The following ANXA4 variants were observed in gnomAD, a reference collection of about 807,000 sequenced individuals.
The protein encoded by ANXA4 is 35-beta calcimedin.
A neutral mutation model predicts 49.8 loss-of-function variants in ANXA4; 39 were observed. That is an observed-to-expected ratio of 0.78 (90% CI 0.61 to 1.02). The LOEUF (loss-of-function observed/expected upper bound fraction) is 1.02, where lower values mean the gene tolerates loss of function less well. Ranked by LOEUF, ANXA4 falls within the 50% of genes least tolerant of loss-of-function variation. The pLI, the probability that ANXA4 is intolerant of heterozygous loss-of-function variation, is 0.00. For missense variants in ANXA4, 360 were observed against 410.1 expected, an observed-to-expected ratio of 0.88 and a Z score of 1.05; for synonymous variants, 134 against 152.5, an observed-to-expected ratio of 0.88 and a Z score of 0.89.
chr2:69,644,173 C>CG (rs1675903292), upstream of ANXA4, among the ~76,000 whole-genome samples: 1 of 57,422 alleles, frequency 1.7e-5, no homozygotes, highest in African/African-American at 5.4e-5. Context: ...GTTCCCCCCC[C>CG]CCCCCCCCCG....
intron 12 of ANXA4, among the ~76,000 whole-genome samples, chr2:69,824,012 G>A (rs375049355): frequency 9.2e-5 from 14 of 151,952 alleles, no homozygotes; most frequent in African/African-American, 2.2e-4. Context: ...CCAGGAGTTC[G>A]AAGCTGCAGT....
At chr2:69,748,777 C>T (rs1309287796) in intron 1 of ANXA4, among the ~76,000 whole-genome samples, 4 of 148,220 alleles carry the variant, frequency 2.7e-5, no homozygotes, top group South Asian at 4.2e-4. Context: ...GTGGCATGAT[C>T]GTGGCTCACT....
At chr2:69,654,652 A>G (rs1676371194) in intron 2 of ANXA4, among the ~76,000 whole-genome samples, 1 of 152,214 alleles carries the variant, frequency 6.6e-6, no homozygotes, top group Admixed American at 6.5e-5. Flanking sequence ...ATCATGGCAG[A>G]TAAGCTTTTT....
At chr2:69,767,547 A>G (rs914862791) in intron 1 of ANXA4, among the ~76,000 whole-genome samples, 1 of 152,224 alleles carries the variant, frequency 6.6e-6, no homozygotes, top group African/African-American at 2.4e-5. Context: ...GTGTCTGCCC[A>G]AAGAGACATA....
In ANXA4 at chr2:69,720,117, A is replaced by G. The variant is rs74738594; in HGVS notation, n.767-657A>G. The stretch of plus-strand genomic sequence containing the variant: ...CAAATAAGCAAGCAGACTAGAGACT[A>G]TTTCCTGAGAATGTAATTCCGATTC... On this transcript the variant is annotated intron_variant and non_coding_transcript_variant, in intron 2 of 3. Coordinates refer to the ANXA4 transcript ENST00000418066. 7.1e-3 allele frequency among the ~76,000 whole-genome samples: 1,084 copies of G among 152,290 alleles called. 4 individuals carry two copies. Among genetic ancestry groups the G allele is most frequent in the Non-Finnish European group, 0.012 (840 of 68,018 alleles).
intron 1 of ANXA4, among the ~76,000 whole-genome samples, chr2:69,754,623 A>G (rs995722342): frequency 8.5e-5 from 13 of 152,054 alleles, no homozygotes; most frequent in Non-Finnish European, 1.3e-4. Context: ...CTGTAGATCT[A>G]GGGTTGGGCC....
At chr2:69,738,059 G>A (rs1393611697), upstream of ANXA4, among the ~76,000 whole-genome samples, 2 of 152,004 alleles carry the variant, frequency 1.3e-5, no homozygotes, top group Non-Finnish European at 2.9e-5. Context: ...TGCAATATTT[G>A]GACATACTTA....
chr2:69,656,442 T>C (rs1676498467), intron 2 of ANXA4, among the ~76,000 whole-genome samples: 1 of 147,060 alleles, frequency 6.8e-6, no homozygotes, highest in East Asian at 2.0e-4. Flanking sequence ...TATATATATA[T>C]GATACTTGGT....
At chr2:69,718,453 A>G (rs911483080) in intron 2 of ANXA4, among the ~76,000 whole-genome samples, 2 of 152,224 alleles carry the variant, frequency 1.3e-5, no homozygotes, top group African/African-American at 4.8e-5. Flanking sequence ...TCAAGTAGAT[A>G]CTATTTCAGC....
chr2:69,782,428 G>A (rs1388801049), intron 2 of ANXA4, among the ~76,000 whole-genome samples: 2 of 152,152 alleles, frequency 1.3e-5, no homozygotes, highest in Non-Finnish European at 2.9e-5. Flanking sequence ...GCTTATTCAT[G>A]TGTGCCCCAA....
At chr2:69,671,724 A>G (rs1330786434) in intron 2 of ANXA4, among the ~76,000 whole-genome samples, 4 of 152,210 alleles carry the variant, frequency 2.6e-5, no homozygotes, top group Non-Finnish European at 5.9e-5. Context: ...CTCCATCTCA[A>G]AAAATATATA....
intron 2 of ANXA4, among the ~76,000 whole-genome samples, chr2:69,690,763 C>T (rs1465525527): frequency 6.6e-6 from 1 of 152,192 alleles, no homozygotes; most frequent in African/African-American, 2.4e-5. Flanking sequence ...AAAACCTTTA[C>T]CCATCACATG....
At chr2:69,772,354 G>A (rs1405550498) in intron 1 of ANXA4, among the ~76,000 whole-genome samples, 1 of 152,246 alleles carries the variant, frequency 6.6e-6, no homozygotes, top group Non-Finnish European at 1.5e-5. Flanking sequence ...AGGAAGGTGA[G>A]ATAGCAAAGA....
intron 1 of ANXA4, among the ~76,000 whole-genome samples, chr2:69,746,003 T>A (rs1313582458): frequency 6.6e-6 from 1 of 151,868 alleles, no homozygotes; most frequent in Non-Finnish European, 1.5e-5. Flanking sequence ...ATAGTTCTTT[T>A]GTTTGTTTAT....
intron 6 of ANXA4, chr2:69,809,625 G>A (rs939053892): frequency 1.3e-5 from 2 of 151,966 alleles, no homozygotes; most frequent in South Asian, 4.2e-4. Context: ...CTACAAGCAT[G>A]CGCCAACATA....
intron 2 of ANXA4, among the ~76,000 whole-genome samples, chr2:69,660,375 CAT>C (rs1676667076): frequency 6.6e-6 from 1 of 152,016 alleles, no homozygotes; most frequent in Non-Finnish European, 1.5e-5. Context: ...ATGAAGGTCT[CAT>C]AGACTAAAAC....
intron 3 of ANXA4, among the ~76,000 whole-genome samples, chr2:69,800,767 T>C (rs111658147): frequency 6.6e-6 from 1 of 152,310 alleles, no homozygotes; most frequent in African/African-American, 2.4e-5. Flanking sequence ...GAAAAGTGTC[T>C]TGCAGCAGTG....
intron 3 of ANXA4, among the ~76,000 whole-genome samples, chr2:69,791,598 T>C (rs1177052315): frequency 6.6e-6 from 1 of 152,222 alleles, no homozygotes; most frequent in Non-Finnish European, 1.5e-5. Context: ...GGATTAGCCG[T>C]GTTCTAAGAA....
rs1025741128 is a variant in ANXA4, at chr2:69,806,459, G to A, written c.267G>A (p.Thr89=). The change falls in exon 5 of 13, where the codon ACG becomes ACA. Residue 89 remains threonine, a synonymous_variant. Coordinates refer to ENST00000394295, the MANE Select transcript of ANXA4 (RefSeq NM_001153.5). The stretch of plus-strand genomic sequence containing the variant: ...TGATTGTGGGGATGATGACGCCCAC[G>A]GTGCTGTATGACGTGCAAGAGCTGC... The part of the protein sequence containing the change: ...EQVIVGMMTP[T]VLYDVQELRR... 12 of 1,614,092 alleles carry A rather than the reference G, an allele frequency of 7.4e-6. No individual in the cohort carries two copies. Among genetic ancestry groups the A allele is most frequent in the Admixed American group, 1.7e-5 (1 of 60,016 alleles).
Sources: gnomAD v4.1 joint callset for allele counts (sites outside exome capture counted in the v4.1 genomes callset) on GRCh38, gnomAD v4.1.1 for gene constraint, MANE v1.5 for transcripts, NCBI Gene and HGNC (gene_info 2026-07-23, HGNC 2026-07-21) for gene names.